RPS6KA2: variants seen among roughly 807,000 people sequenced by gnomAD.
RPS6KA2 encodes ribosomal protein S6 kinase alpha-2.
In RPS6KA2, 42 loss-of-function variants were observed where a neutral mutation model predicts 91.8. The ratio of observed to expected loss-of-function variants is 0.46; its 90% CI spans 0.36 to 0.59. RPS6KA2 has a LOEUF of 0.59. RPS6KA2 is among the 20% of genes least tolerant of loss of function. RPS6KA2 has a pLI of 0.00. For synonymous variants in RPS6KA2, 414 were observed against 393.6 expected, an observed-to-expected ratio of 1.05 and a Z score of -0.61; for missense variants, 798 against 978.5, an observed-to-expected ratio of 0.82 and a Z score of 2.46.
chr6:166,771,091 G>A (rs1295810853), intron 2 of RPS6KA2, among the ~76,000 whole-genome samples: 1 of 152,170 alleles, frequency 6.6e-6, no homozygotes, highest in Non-Finnish European at 1.5e-5. Context: ...CGTTCAGGAA[G>A]CCCTTTAGTG....
At chr6:166,481,235 G>A (rs1356428021) in intron 10 of RPS6KA2, among the ~76,000 whole-genome samples, 1 of 152,218 alleles carries the variant, frequency 6.6e-6, no homozygotes, top group Non-Finnish European at 1.5e-5. Flanking sequence ...TACAAGCATA[G>A]CTATAGGGAA....
At chr6:166,517,967 G>A (rs1394190029) in intron 3 of RPS6KA2, among the ~76,000 whole-genome samples, 1 of 152,086 alleles carries the variant, frequency 6.6e-6, no homozygotes, top group East Asian at 1.9e-4. Flanking sequence ...CTCTGTTCGA[G>A]GCTCTTAGCT....
chr6:166,441,037 G>A (rs1188725457), intron 14 of RPS6KA2, among the ~76,000 whole-genome samples: 3 of 152,204 alleles, frequency 2.0e-5, no homozygotes, highest in Admixed American at 6.5e-5. Flanking sequence ...TCTGGCAGGC[G>A]ATACAGTCAT....
chr6:166,797,037 T>C (rs903776860), intron 2 of RPS6KA2, among the ~76,000 whole-genome samples: 5 of 152,258 alleles, frequency 3.3e-5, no homozygotes, highest in African/African-American at 1.2e-4. Context: ...AGAGTGGCTC[T>C]CACGCCCGAG....
At chr6:166,793,940 A>G (rs1212497193) in intron 2 of RPS6KA2, among the ~76,000 whole-genome samples, 1 of 147,570 alleles carries the variant, frequency 6.8e-6, no homozygotes, top group East Asian at 2.0e-4. Flanking sequence ...GGACATAGGC[A>G]TGGGCAAGGA....
intron 5 of RPS6KA2, among the ~76,000 whole-genome samples, chr6:166,506,398 G>A (rs1457318158): frequency 1.3e-5 from 2 of 152,180 alleles, no homozygotes; most frequent in South Asian, 2.1e-4. Flanking sequence ...GACAAAACTG[G>A]ACCCCAAATG....
chr6:166,429,496 G>A (rs997988287), intron 16 of RPS6KA2, among the ~76,000 whole-genome samples: 3 of 152,012 alleles, frequency 2.0e-5, no homozygotes, highest in South Asian at 4.2e-4. Context: ...TGTCGCCCAC[G>A]CTGAAGTGCA....
chr6:166,655,792 A>C (rs1314707627), intron 2 of RPS6KA2, among the ~76,000 whole-genome samples: 1 of 152,204 alleles, frequency 6.6e-6, no homozygotes, highest in East Asian at 1.9e-4. Flanking sequence ...GGGCGCCACC[A>C]GTTTGGAAAA....
At chr6:166,748,056 A>G (rs1791077459) in intron 2 of RPS6KA2, among the ~76,000 whole-genome samples, 1 of 152,186 alleles carries the variant, frequency 6.6e-6, no homozygotes, top group African/African-American at 2.4e-5. Flanking sequence ...ATTTGTCCCG[A>G]GGGCAAATGC....
At chr6:166,819,647 T>A (rs1393459703) in intron 2 of RPS6KA2, among the ~76,000 whole-genome samples, 1 of 152,202 alleles carries the variant, frequency 6.6e-6, no homozygotes, top group Non-Finnish European at 1.5e-5. Flanking sequence ...GGTAAAAATC[T>A]TTAAAGTAAA....
chr6:166,536,048 G>A (rs1316508920), intron 2 of RPS6KA2, among the ~76,000 whole-genome samples: 1 of 152,228 alleles, frequency 6.6e-6, no homozygotes, highest in Non-Finnish European at 1.5e-5. Flanking sequence ...CTGAGGTCAG[G>A]AGCTGGCACC....
intron 2 of RPS6KA2, among the ~76,000 whole-genome samples, chr6:166,692,942 A>C (rs1789252098): frequency 6.6e-6 from 1 of 152,314 alleles, no homozygotes; most frequent in South Asian, 2.1e-4. Flanking sequence ...TCAGAGAGCA[A>C]ACCTCCACGG....
Position 166,733,480 on chromosome 6 carries a change from T to C in RPS6KA2, c.123+124720A>G, listed in dbSNP as rs147199886. 6.6e-4 allele frequency among the ~76,000 whole-genome samples: 100 copies of C among 152,384 alleles called. No homozygotes were observed. Among genetic ancestry groups the C allele is most frequent in the African/African-American group, 2.3e-3 (94 of 41,600 alleles). ...ATAGGGACCCTTACAGTACGAGTTT[T>C]GGGTACTAACCCCATGGCTGACCTT... is the stretch of plus-strand genomic sequence containing the variant. On this transcript the variant is annotated intron_variant, in intron 2 of 21. Coordinates refer to the RPS6KA2 transcript ENST00000503859. This position sits in a 1 kb window ranked among gnomAD's most constrained non-coding sequence, Gnocchi z 4.1.
chr6:166,851,030 C>T (rs1036870471), intron 2 of RPS6KA2, among the ~76,000 whole-genome samples: 1 of 152,158 alleles, frequency 6.6e-6, no homozygotes, highest in Non-Finnish European at 1.5e-5. Context: ...TTTGAAATTC[C>T]CTCACTCATT....
chr6:166,426,968 T>C (rs1249001630), intron 16 of RPS6KA2, among the ~76,000 whole-genome samples: 3 of 150,462 alleles, frequency 2.0e-5, no homozygotes, highest in African/African-American at 7.3e-5. Context: ...AGCATCATCC[T>C]GATACCAAAG....
chr6:166,641,824 C>T (rs1787448080), intron 2 of RPS6KA2, among the ~76,000 whole-genome samples: 2 of 139,118 alleles, frequency 1.4e-5, no homozygotes, highest in Non-Finnish European at 3.0e-5. Flanking sequence ...GTAAAAGAGA[C>T]GTTGGATCTG....
intron 2 of RPS6KA2, among the ~76,000 whole-genome samples, chr6:166,532,302 C>A (rs1783308078): frequency 6.6e-6 from 1 of 152,226 alleles, no homozygotes; most frequent in African/African-American, 2.4e-5. Context: ...GGGACCTTTG[C>A]ACTCTTGGCT....
At chr6:166,795,414 C>G (rs1024184851) in intron 2 of RPS6KA2, among the ~76,000 whole-genome samples, 9 of 152,226 alleles carry the variant, frequency 5.9e-5, no homozygotes, top group African/African-American at 1.9e-4. Context: ...GACACTGAAA[C>G]TGGTCCCAGT....
chr6:166,474,123 C>T (rs575061517), intron 10 of RPS6KA2, among the ~76,000 whole-genome samples: 6 of 152,096 alleles, frequency 3.9e-5, no homozygotes, highest in African/African-American at 9.6e-5. Flanking sequence ...GGGTCTCTAG[C>T]GGCTCCCTAG....
Sources: allele counts gnomAD v4.1 joint callset (sites outside exome capture counted in the v4.1 genomes callset), GRCh38; gene constraint gnomAD v4.1.1; non-coding constraint Gnocchi (gnomAD v3.1); transcripts MANE v1.5; gene names NCBI Gene and HGNC (gene_info 2026-07-23, HGNC 2026-07-21).